SMAD7: variants seen among roughly 807,000 people sequenced by gnomAD.
SMAD7 encodes the protein MAD (mothers against decapentaplegic, Drosophila) homolog 7.
Under a neutral mutation model 38.7 loss-of-function variants are expected in SMAD7, and 8 were observed. The ratio of observed to expected loss-of-function variants is 0.21; its 90% CI spans 0.12 to 0.37. The LOEUF is 0.37. Ranked by LOEUF, SMAD7 falls within the 10% of genes least tolerant of loss-of-function variation. SMAD7 has a pLI of 1.00. For synonymous variants in SMAD7, 327 were observed against 265.1 expected (o/e 1.23, Z -2.27); for missense variants, 477 against 577.9 (o/e 0.83, Z 1.79).
At chr18:48,942,360 T>A in intron 3 of SMAD7, 121 bp downstream of exon 3, 1 of 688,888 alleles carries the variant, frequency 1.5e-6, no homozygotes. Context: ...ACTTAAGGCA[T>A]ATAAAAATGA....
intron 2 of SMAD7, 145 bp from the exon 3 acceptor site, chr18:48,942,700 G>A (rs2070155946): frequency 2.6e-6 from 4 of 1,534,120 alleles, no homozygotes; most frequent in Middle Eastern, 3.4e-4. Context: ...ATTATTAATG[G>A]TCTGCTCAGG....
chr18:48,950,434 G>C lies in SMAD7; in HGVS notation c.-10C>G. Reference sequence around the variant, plus strand: ...GTTTGGTCCTGAACATGCGGGGCGAGGAGGCGAGGAGAAAAGTCGTTTGCC... The same window carrying C: ...GTTTGGTCCTGAACATGCGGGGCGACGAGGCGAGGAGAAAAGTCGTTTGCC... On this transcript the variant is annotated 5_prime_UTR_variant, in exon 1 of 4. Transcript: ENST00000262158. The C allele has an allele frequency of 1.3e-6, 2 of 1,544,672 alleles. No homozygotes were observed. The highest frequency in any genetic ancestry group is 1.4e-5 in the African/African-American group (1 of 70,390).
chr18:48,936,014 G>A (rs1409286023), intron 3 of SMAD7, among the ~76,000 whole-genome samples: 2 of 151,778 alleles, frequency 1.3e-5, no homozygotes, highest in African/African-American at 2.4e-5. Flanking sequence ...GGTGGAGGTT[G>A]TAGTGAGCCG....
intron 3 of SMAD7, among the ~76,000 whole-genome samples, chr18:48,940,700 C>T (rs766338300): frequency 2.6e-5 from 4 of 151,768 alleles, no homozygotes; most frequent in South Asian, 4.2e-4. Flanking sequence ...TGCAGTGAGC[C>T]GAAATCGGGC....
intron 2 of SMAD7, among the ~76,000 whole-genome samples, chr18:48,947,902 C>T (rs749996262): frequency 1.5e-3 from 221 of 150,760 alleles, no homozygotes; most frequent in South Asian, 0.011. Context: ...ACCCCCCCCC[C>T]CCTTTTACTG....
intron 3 of SMAD7, among the ~76,000 whole-genome samples, chr18:48,928,185 G>A (rs1210391455): frequency 1.3e-5 from 2 of 152,194 alleles, no homozygotes; most frequent in East Asian, 1.9e-4. Flanking sequence ...GTCTCAGTTT[G>A]ACCTGTCCAT....
At chr18:48,947,585 G>C (rs1272495925) in intron 2 of SMAD7, among the ~76,000 whole-genome samples, 1 of 152,216 alleles carries the variant, frequency 6.6e-6, no homozygotes, top group Non-Finnish European at 1.5e-5. Flanking sequence ...CCTACTGTAA[G>C]AGGGAGCTCC....
chr18:48,941,089 G>A (rs969323709), intron 3 of SMAD7, among the ~76,000 whole-genome samples: 2 of 152,146 alleles, frequency 1.3e-5, no homozygotes, highest in African/African-American at 4.8e-5. Flanking sequence ...CATCCTGAGC[G>A]TGTTATTCTG....
At chr18:48,940,307 C>T (rs1210100578) in intron 3 of SMAD7, among the ~76,000 whole-genome samples, 1 of 152,220 alleles carries the variant, frequency 6.6e-6, no homozygotes, top group Non-Finnish European at 1.5e-5. Flanking sequence ...TCTTCTGAAG[C>T]CACACTGCCC....
chr18:48,930,967 A>C (rs972527219), intron 3 of SMAD7, among the ~76,000 whole-genome samples: 1 of 152,208 alleles, frequency 6.6e-6, no homozygotes, highest in Non-Finnish European at 1.5e-5. Flanking sequence ...CATACAATAA[A>C]ATATTATTCA....
At chr18:48,931,817 C>T (rs900889129) in intron 3 of SMAD7, among the ~76,000 whole-genome samples, 10 of 152,250 alleles carry the variant, frequency 6.6e-5, no homozygotes, top group African/African-American at 2.4e-4. Context: ...GGAGAGCAGG[C>T]CAGCCTCTAG....
chr18:48,920,147 T>TG lies in SMAD7; in HGVS notation c.*1224_*1225insC, dbSNP rs1430833772. 1 of 152,586 alleles carries TG rather than the reference T, an allele frequency of 6.6e-6. No homozygotes were observed. Among genetic ancestry groups the TG allele is most frequent in the African/African-American group, 2.4e-5 (1 of 41,452 alleles). The allele number at this position is 152,586 out of a possible 1,614,324, so 9.5% of individuals were successfully genotyped here. Reference sequence around the variant, plus strand: ...TTTTTTCTTTAATAAATCTCAGGTTTTTTTTCAGGAGTCCTTTCTCTCTCA... The same window carrying TG: ...TTTTTTCTTTAATAAATCTCAGGTTTGTTTTTCAGGAGTCCTTTCTCTCTCA... On this transcript the variant is annotated 3_prime_UTR_variant, in exon 4 of 4. Coordinates refer to ENST00000262158, the MANE Select transcript of SMAD7 (RefSeq NM_005904.4).
chr18:48,948,487 G>C, intron 1 of SMAD7, 50 bp from the exon 2 acceptor site: 388 of 1,227,408 alleles, frequency 3.2e-4, no homozygotes, highest in Middle Eastern at 5.6e-4. Flanking sequence ...TGAGAAGAGA[G>C]ATAGAAACTT....
At position 48,921,684 on chromosome 18, in the gene SMAD7, C is replaced by T; in HGVS notation, c.969G>A (p.Leu323=). The T allele has an allele frequency of 6.2e-7, 1 of 1,613,014 alleles. No homozygotes were observed. Among genetic ancestry groups the T allele is most frequent in the Non-Finnish European group, 8.5e-7 (1 of 1,179,520 alleles). The change falls in exon 4 of 4, where the codon CTG becomes CTA. Residue 323 remains leucine (L), a synonymous_variant. Coordinates refer to ENST00000262158, the MANE Select transcript of SMAD7 (RefSeq NM_005904.4). This position sits in a 1 kb window ranked among gnomAD's most constrained non-coding sequence, Gnocchi z 6.4. ...CCCACACACCATCCACCTCCCGCGTCAGCTGGATGCCGCAGCCGATTTTGC... is the reference window on the plus strand; with the variant it reads ...CCCACACACCATCCACCTCCCGCGTTAGCTGGATGCCGCAGCCGATTTTGC... ...VRSKIGCGIQ[L]TREVDGVWVY...
At chr18:48,925,441 C>CG (rs2069914578) in intron 3 of SMAD7, among the ~76,000 whole-genome samples, 2 of 150,814 alleles carry the variant, frequency 1.3e-5, no homozygotes, top group East Asian at 2.0e-4. Flanking sequence ...TGCCCCCCCC[C>CG]AACCTTCCCC....
chr18:48,940,211 T>C (rs1442770531), intron 3 of SMAD7, among the ~76,000 whole-genome samples: 1 of 152,114 alleles, frequency 6.6e-6, no homozygotes, highest in African/African-American at 2.4e-5. Flanking sequence ...AGCTCAAACT[T>C]TGAAGCCTTT....
rs1238406962 is a variant in SMAD7 at position 48,950,858 on chromosome 18, C to G, written c.-434G>C. 5 of 151,476 alleles carry G rather than the reference C, an allele frequency of 3.3e-5. No individual in the cohort carries two copies. Among genetic ancestry groups the G allele is most frequent in the Non-Finnish European group, 5.9e-5 (4 of 67,884 alleles). The allele number at this position is 151,476 out of a possible 1,614,324, so 9.4% of individuals were successfully genotyped here. ...GCCTCGGCTTCCTACATGGAAGGTCCGCGGGGGCAAAAAACGAAAGGCGTT... is the reference window on the plus strand; with the variant it reads ...GCCTCGGCTTCCTACATGGAAGGTCGGCGGGGGCAAAAAACGAAAGGCGTT... On this transcript the variant is annotated 5_prime_UTR_variant, in exon 1 of 4. Transcript: ENST00000262158.
chr18:48,949,315 G>A (rs1403224985), intron 1 of SMAD7: 1 of 980,948 alleles, frequency 1.0e-6, no homozygotes, highest in Non-Finnish European at 1.2e-6. Flanking sequence ...GGTGTTCGAC[G>A]TGATTCTCCG....
In SMAD7 at chr18:48,920,025, T is replaced by C. The variant is rs2069837095; in HGVS notation, c.*1347A>G. On this transcript the variant is annotated 3_prime_UTR_variant, in exon 4 of 4. Transcript: ENST00000262158. ...AAAGTGCATCTTTTCTTTATTTTTC[T>C]TGTTTATACACATTGCACAATACAT... The C allele has an allele frequency of 1.3e-5, 2 of 152,648 alleles. No individual in the cohort carries two copies. The highest frequency in any genetic ancestry group is 2.9e-5 in the Non-Finnish European group (2 of 68,034). 9.5% of individuals were successfully genotyped at this position (152,648 alleles called of 1,614,324 possible). A position where few individuals can be genotyped will look rare whatever the true frequency, so the allele number is the denominator to read the frequency against.
Sources: gnomAD v4.1 joint callset for allele counts (sites outside exome capture counted in the v4.1 genomes callset) on GRCh38, gnomAD v4.1.1 for gene constraint, Gnocchi (gnomAD v3.1) non-coding constraint, MANE v1.5 for transcripts, NCBI Gene and HGNC (gene_info 2026-07-23, HGNC 2026-07-21) for gene names.